The following GRIP2 variants were observed in gnomAD, a reference collection of about 807,000 sequenced individuals.
GRIP2 encodes the protein glutamate receptor interacting protein 2.
In GRIP2, 58 loss-of-function variants were observed where a neutral mutation model predicts 108.3. The observed-to-expected ratio is 0.54, with a 90% CI of 0.43 to 0.67. GRIP2 has a LOEUF of 0.67. GRIP2 is among the 30% of genes least tolerant of loss of function. GRIP2 has a pLI of 0.00. For missense variants in GRIP2, 1,278 were observed against 1,430.6 expected (o/e 0.89, Z 1.72); for synonymous variants, 586 against 598.2 (o/e 0.98, Z 0.30).
chr3:14,529,633 A>G (rs942486382), intron 1 of GRIP2, among the ~76,000 whole-genome samples: 30 of 137,702 alleles, frequency 2.2e-4, no homozygotes, highest in African/African-American at 7.5e-4. Context: ...TTCTGTTTTT[A>G]TATTTTGCTC....
At chr3:14,569,123 G>A in the GRIP2 span, among the ~76,000 whole-genome samples, 4 of 152,164 alleles carry the variant, frequency 2.6e-5, no homozygotes, top group Admixed American at 1.3e-4. Flanking sequence ...AGACGCCCCC[G>A]CCTTATGGGG....
chr3:14,537,665 T>C (rs891596605), intron 1 of GRIP2, among the ~76,000 whole-genome samples: 1 of 152,230 alleles, frequency 6.6e-6, no homozygotes, highest in African/African-American at 2.4e-5. Flanking sequence ...CCACAGCCCC[T>C]GCTGTGGAGT....
Position 14,505,741 on chromosome 3 carries a change from C to A in GRIP2, c.2447G>T (p.Arg816Leu). The change falls in exon 20 of 24, where the codon CGG becomes CTG. Residue 816 changes from arginine to leucine, a missense_variant. By Grantham distance (102) the Arg-to-Leu change is moderately radical (BLOSUM62 -2). Coordinates refer to ENST00000621039, the MANE Select transcript of GRIP2 (RefSeq NM_001080423.4). This position sits in a 1 kb window ranked among gnomAD's most constrained non-coding sequence, Gnocchi z 4.2. ...AAARGTTPQE[R>L]RPGWLRGSPP... is the part of the protein sequence containing the mutation. ...GCTGCCCCTCAGCCAGCCAGGCCTCCGCTCCTGGGGGGTCGTGCCCCGGGC... is the reference window on the plus strand; with the variant it reads ...GCTGCCCCTCAGCCAGCCAGGCCTCAGCTCCTGGGGGGTCGTGCCCCGGGC... The A allele has an allele frequency of 6.3e-7, 1 of 1,582,772 alleles. No individual in the cohort carries two copies.
At chr3:14,550,342 T>C (rs1223717108) in intron 1 of GRIP2, among the ~76,000 whole-genome samples, 1 of 152,180 alleles carries the variant, frequency 6.6e-6, no homozygotes, top group East Asian at 1.9e-4. Context: ...CAGGAAGCCC[T>C]CCGGCTGGCT....
At chr3:14,582,738 G>A in the GRIP2 span, among the ~76,000 whole-genome samples, 1 of 152,214 alleles carries the variant, frequency 6.6e-6, no homozygotes, top group Non-Finnish European at 1.5e-5. Flanking sequence ...TCTCAGCTGA[G>A]AGGGTGTCTC....
the GRIP2 span, among the ~76,000 whole-genome samples, chr3:14,590,869 G>A: frequency 2.0e-5 from 3 of 152,202 alleles, no homozygotes; most frequent in Non-Finnish European, 2.9e-5. Context: ...ATCTTCCAAA[G>A]AAAGCAGTAA....
Position 14,501,458 on chromosome 3 carries a change from G to A in GRIP2, c.2679+2108C>T, listed in dbSNP as rs1479458123. Among the ~76,000 whole-genome samples, 8 of 152,310 alleles carry A rather than the reference G, an allele frequency of 5.3e-5. No individual in the cohort carries two copies. In the East Asian group the frequency reaches 1.3e-3, roughly 26 times the overall value. On this transcript the variant is annotated intron_variant, in intron 21 of 23. Transcript: ENST00000621039. ...GACATAATAACCAAGCTCCAAGCAT[G>A]GATTAGACATTGGTTTGGACAAAAC...
chr3:14,520,060 G>T (rs1447788238), intron 9 of GRIP2, 50 bp downstream of exon 9: 2 of 1,517,846 alleles, frequency 1.3e-6, no homozygotes, highest in East Asian at 2.4e-5. Flanking sequence ...GGCCTCTCAG[G>T]CCTCATGACT....
At chr3:14,494,148 T>G (rs1482909522) in intron 23 of GRIP2, among the ~76,000 whole-genome samples, 1 of 152,250 alleles carries the variant, frequency 6.6e-6, no homozygotes, top group Non-Finnish European at 1.5e-5. Context: ...TGATGTGACA[T>G]TGTCTTCTTT....
At chr3:14,544,333 C>A (rs145460758), upstream of GRIP2, among the ~76,000 whole-genome samples, 8 of 152,334 alleles carry the variant, frequency 5.3e-5, no homozygotes, top group Admixed American at 2.0e-4. Flanking sequence ...TGCTCTCACA[C>A]TGCAGGGTTC....
chr3:14,517,943 G>A (rs1411550155), intron 9 of GRIP2, 46 bp from the exon 10 acceptor site: 1 of 1,483,622 alleles, frequency 6.7e-7, no homozygotes, highest in South Asian at 1.4e-5. Context: ...GGCGTTAGTG[G>A]CTGAGGGCAC....
intron 11 of GRIP2, among the ~76,000 whole-genome samples, chr3:14,515,729 G>A (rs907350833): frequency 6.6e-6 from 1 of 151,986 alleles, no homozygotes; most frequent in African/African-American, 2.4e-5. Flanking sequence ...TCCGCCTCCC[G>A]GGTTCAAGCG....
At chr3:14,537,358 T>C (rs533933486) in intron 1 of GRIP2, among the ~76,000 whole-genome samples, 8 of 152,112 alleles carry the variant, frequency 5.3e-5, no homozygotes, top group Non-Finnish European at 1.2e-4. Context: ...CCACACCTCC[T>C]CTCCACTCCC....
In GRIP2 at chr3:14,520,479, AGACCCTGGCGTCTT is replaced by A; in HGVS notation, c.757_770del (p.Lys253CysfsTer55). The stretch of plus-strand genomic sequence containing the variant: ...TGGTGGTGAGCGAGATCCCCAGGGC[AGACCCTGGCGTCTT>A]GACTATTTCCACCATCAAGGGTCCC... On this transcript the variant is annotated frameshift_variant, in exon 8 of 24. Transcript: ENST00000621039. LOFTEE classifies it high-confidence loss of function. 1.9e-6 allele frequency: 3 copies of A among 1,613,856 alleles called. No individual in the cohort carries two copies. Among genetic ancestry groups the A allele is most frequent in the Non-Finnish European group, 2.5e-6 (3 of 1,179,754 alleles).
intron 1 of GRIP2, among the ~76,000 whole-genome samples, chr3:14,526,575 C>T (rs1323657208): frequency 6.6e-6 from 1 of 152,174 alleles, no homozygotes; most frequent in East Asian, 1.9e-4. Context: ...AGAAAGCGCT[C>T]CCTTGTGTTT....
Position 14,505,863 on chromosome 3 carries a change from T to A in GRIP2, c.2399-74A>T. 1 of 1,388,142 alleles carries A rather than the reference T, an allele frequency of 7.2e-7. No homozygotes were observed. The highest frequency in any genetic ancestry group is 9.6e-7 in the Non-Finnish European group (1 of 1,044,554). The allele number at this position is 1,388,142 out of a possible 1,614,324, so 86.0% of individuals were successfully genotyped here. On this transcript the variant is annotated intron_variant, in intron 19 of 23. Transcript: ENST00000621039. The surrounding 1 kb of genome is among the most constrained non-coding windows in gnomAD (Gnocchi z 4.2). ...CTCCTGCCTGCCCCATTTCCAGCTG[T>A]GCTGAGTGACCCTGGGGAGGTCGTT...
At chr3:14,539,708 C>G (rs1694915141) in intron 1 of GRIP2, among the ~76,000 whole-genome samples, 1 of 152,168 alleles carries the variant, frequency 6.6e-6, no homozygotes. Flanking sequence ...GTCCCAGCCT[C>G]AGCACACCCA....
chr3:14,559,966 T>A (rs1695293252), upstream of GRIP2, among the ~76,000 whole-genome samples: 1 of 152,124 alleles, frequency 6.6e-6, no homozygotes, highest in East Asian at 1.9e-4. Flanking sequence ...ATGCTAGGCA[T>A]CTGAGGATGG....
At chr3:14,502,501 A>AG (rs1419655680) in intron 21 of GRIP2, among the ~76,000 whole-genome samples, 1 of 152,054 alleles carries the variant, frequency 6.6e-6, no homozygotes, top group African/African-American at 2.4e-5. Context: ...CTCAAAAAAA[A>AG]AAAGAGAGAG....
Sources: gnomAD v4.1 joint callset for allele counts (sites outside exome capture counted in the v4.1 genomes callset) on GRCh38, gnomAD v4.1.1 for gene constraint, Gnocchi (gnomAD v3.1) non-coding constraint, MANE v1.5 for transcripts, NCBI Gene and HGNC (gene_info 2026-07-23, HGNC 2026-07-21) for gene names.